The following PSMD2 variants were observed in gnomAD, a reference collection of about 807,000 sequenced individuals.
PSMD2 encodes the protein 26S proteasome non-ATPase regulatory subunit 2.
PSMD2 carries 8 observed loss-of-function variants against 101.5 expected under a neutral mutation model. That is an observed-to-expected ratio of 0.08 (90% CI 0.05 to 0.14). PSMD2 has a LOEUF of 0.14. PSMD2 is among the 10% of genes least tolerant of loss of function. PSMD2 has a pLI of 1.00. For missense variants in PSMD2, 784 were observed against 1,147.4 expected, an observed-to-expected ratio of 0.68 and a Z score of 4.58; for synonymous variants, 418 against 433.8, an observed-to-expected ratio of 0.96 and a Z score of 0.45.
chr3:184,305,959 A>T (rs374187819), intron 13 of PSMD2, 29 bp downstream of exon 13: 17 of 1,613,936 alleles, frequency 1.1e-5, no homozygotes, highest in Non-Finnish European at 1.4e-5. Flanking sequence ...TTGGGCAAAG[A>T]GCTGACAGTA....
In PSMD2 at chr3:184,304,455, G is replaced by A. The variant is rs1721761522; in HGVS notation, c.1539+64G>A. ...AGGTGCTTTGAGTCTTACTTTCTGT[G>A]ATAAATAATGAAAAAGAAGTAAGTG... On this transcript the variant is annotated intron_variant, in intron 12 of 20. Coordinates refer to ENST00000310118, the MANE Select transcript of PSMD2 (RefSeq NM_002808.5). The surrounding 1 kb of genome is among the most constrained non-coding windows in gnomAD (Gnocchi z 4.1). 2 of 1,495,374 alleles carry A rather than the reference G, an allele frequency of 1.3e-6. No homozygotes were observed. Among genetic ancestry groups the A allele is most frequent in the African/African-American group, 1.4e-5 (1 of 72,266 alleles). 92.6% of individuals were successfully genotyped at this position (1,495,374 alleles called of 1,614,324 possible).
rs1009568036 is a variant in PSMD2, at chr3:184,308,574, G to A, written c.2544+7G>A. 2 of 1,609,894 alleles carry A rather than the reference G, an allele frequency of 1.2e-6. No individual in the cohort carries two copies. The highest frequency in any genetic ancestry group is 1.7e-6 in the Non-Finnish European group (2 of 1,176,448). On this transcript the variant is annotated splice_region_variant and intron_variant, in intron 20 of 20. Coordinates refer to ENST00000310118, the MANE Select transcript of PSMD2 (RefSeq NM_002808.5). This position sits in a 1 kb window ranked among gnomAD's most constrained non-coding sequence, Gnocchi z 6.0. The stretch of plus-strand genomic sequence containing the variant: ...GTCTGTCCGTGTGGGCCAGGTGAGA[G>A]GCTGAGTAGAGGGGAGGGCTCAGGC...
intron 16 of PSMD2, 65 bp downstream of exon 16, chr3:184,306,899 A>G: frequency 7.9e-7 from 1 of 1,267,552 alleles, no homozygotes; most frequent in Non-Finnish European, 1.1e-6. Context: ...CCCAGGGAAG[A>G]TTTTTCTGAT....
At position 184,300,538 on chromosome 3, in the gene PSMD2, T is replaced by C. The variant is rs1437716544; in HGVS notation, c.357+94T>C. The C allele has an allele frequency of 3.3e-6, 5 of 1,513,758 alleles. No individual in the cohort carries two copies. In the Admixed American group the frequency reaches 6.8e-5, roughly 20 times the overall value. The allele number at this position is 1,513,758 out of a possible 1,614,324, so 93.8% of individuals were successfully genotyped here. ...TCATTGTGAGTCACAGGAAGCCTGA[T>C]AGACCTAAGCCGTGATCTATTTGAG... On this transcript the variant is annotated intron_variant, in intron 3 of 20. Coordinates refer to ENST00000310118, the MANE Select transcript of PSMD2 (RefSeq NM_002808.5).
In PSMD2 at chr3:184,303,375, T is replaced by C; in HGVS notation, c.1125T>C (p.Ser375=). The C allele has an allele frequency of 6.2e-7, 1 of 1,614,188 alleles. No homozygotes were observed. Among genetic ancestry groups the C allele is most frequent in the South Asian group, 1.1e-5 (1 of 91,088 alleles). The change falls in exon 9 of 21, where the codon TCT becomes TCC. Residue 375 remains serine, a synonymous_variant. Transcript: ENST00000310118. ...CTGCCCGCATGAACCTGGCCTCCTC[T>C]TTTGTGAATGGCTTTGTGAATGCAG... ...VDSARMNLAS[S]FVNGFVNAAF...
At position 184,306,696 on chromosome 3, in the gene PSMD2, G is replaced by T. The variant is rs771972329; in HGVS notation, c.1951-55G>T. 1.9e-6 allele frequency: 3 copies of T among 1,574,496 alleles called. No homozygotes were observed. In the African/African-American group the frequency reaches 4.1e-5, roughly 21 times the overall value. On this transcript the variant is annotated intron_variant, in intron 15 of 20. Transcript: ENST00000310118. ...TTTTCAGATGGGACTTGAGTCAAGG[G>T]TGACTGTTTTTTATTCCTTGAGCTT...
At chr3:184,302,919 A>G in intron 7 of PSMD2, 83 bp from the exon 8 acceptor site, 3 of 1,609,632 alleles carry the variant, frequency 1.9e-6, no homozygotes, top group Non-Finnish European at 2.6e-6. Context: ...CTCCTTGATT[A>G]GAATTGCCAT....
In PSMD2 at chr3:184,303,058, C is replaced by A. The variant is rs1163672991; in HGVS notation, c.1065C>A (p.Asn355Lys). ...PDDIYKTHLE[N>K]NRFGGSGSQV... ...ACATCTACAAAACCCACCTAGAGAACAACAGTGAGTAGCCCTCTCTGTGTA... is the reference window on the plus strand; with the variant it reads ...ACATCTACAAAACCCACCTAGAGAAAAACAGTGAGTAGCCCTCTCTGTGTA... Residue 355 changes from asparagine (N) to lysine (K), a missense_variant, in exon 8 of 21, where the codon AAC (asparagine) becomes AAA (lysine). Coordinates refer to ENST00000310118, the MANE Select transcript of PSMD2 (RefSeq NM_002808.5). 6.2e-7 allele frequency: 1 copy of A among 1,613,706 alleles called. No individual in the cohort carries two copies. Among genetic ancestry groups the A allele is most frequent in the South Asian group, 1.1e-5 (1 of 91,064 alleles).
chr3:184,308,418 CTT>C lies in PSMD2; in HGVS notation c.2426-30_2426-29del. The C allele has an allele frequency of 1.3e-6, 2 of 1,554,208 alleles. No homozygotes were observed. The highest frequency in any genetic ancestry group is 2.3e-5 in the South Asian group (2 of 87,638). The stretch of plus-strand genomic sequence containing the variant: ...TCTGGCCAGGCCTGTCTTTTTGTCT[CTT>C]AACTTTTTGTCCTGTCTGCTTCCCT... On this transcript the variant is annotated intron_variant, in intron 19 of 20. Coordinates refer to ENST00000310118, the MANE Select transcript of PSMD2 (RefSeq NM_002808.5). The surrounding 1 kb of genome is among the most constrained non-coding windows in gnomAD (Gnocchi z 6.0).
rs1006449808 is a variant in PSMD2, at chr3:184,302,505, C to T, written c.840C>T (p.Asp280=). The change falls in exon 6 of 21, where the codon GAC becomes GAT. Residue 280 remains aspartate (D), a synonymous_variant. Coordinates refer to ENST00000310118, the MANE Select transcript of PSMD2 (RefSeq NM_002808.5). ...LMLNDMELVE[D]IFTSCKDVVV... is the part of the protein sequence containing the mutation. Reference sequence around the variant, plus strand: ...TCAATGACATGGAGTTGGTAGAAGACATCTTCACCTCCTGCAAGGATGTGT... The same window carrying T: ...TCAATGACATGGAGTTGGTAGAAGATATCTTCACCTCCTGCAAGGATGTGT... 6.2e-7 allele frequency: 1 copy of T among 1,614,140 alleles called. No individual in the cohort carries two copies.
At chr3:184,303,093 G>A in intron 8 of PSMD2, 31 bp downstream of exon 8, 1 of 1,603,848 alleles carries the variant, frequency 6.2e-7, no homozygotes, top group Non-Finnish European at 8.5e-7. Flanking sequence ...ATGGGATTTG[G>A]GGGATTGTAG....
intron 8 of PSMD2, 78 bp downstream of exon 8, chr3:184,303,140 CATGCTTAT>C: frequency 6.5e-7 from 1 of 1,533,130 alleles, no homozygotes; most frequent in South Asian, 1.1e-5. Flanking sequence ...GCTTGGCCAA[CATGCTTAT>C]CCTATCGAGC....
rs1226019120 is a variant in PSMD2, at chr3:184,308,075, C to T, written c.2425+59C>T. ...TGCAGGGCTCTGACTCCACCCTTTC[C>T]AGGGCCACTTTGATAATTTAGGTTC... On this transcript the variant is annotated intron_variant, in intron 19 of 20. Transcript: ENST00000310118. The surrounding 1 kb of genome is among the most constrained non-coding windows in gnomAD (Gnocchi z 6.0). 2.5e-6 allele frequency: 4 copies of T among 1,596,252 alleles called. No homozygotes were observed. The highest frequency in any genetic ancestry group is 4.5e-5 in the East Asian group (2 of 44,740).
Position 184,302,095 on chromosome 3 carries a change from GTGGCAGGCA to G in PSMD2, c.704+27_704+35del. 4 of 1,607,010 alleles carry G rather than the reference GTGGCAGGCA, an allele frequency of 2.5e-6. No individual in the cohort carries two copies. In the East Asian group the frequency reaches 8.9e-5, roughly 36 times the overall value. On this transcript the variant is annotated intron_variant, in intron 5 of 20. Coordinates refer to ENST00000310118, the MANE Select transcript of PSMD2 (RefSeq NM_002808.5). Reference sequence around the variant, plus strand: ...AGGTGAGTGAACATGGTAGGGAAGGGTGGCAGGCATGCCCTCCTCAGCACCTCTCTCTCA... The same window carrying G: ...AGGTGAGTGAACATGGTAGGGAAGGGTGCCCTCCTCAGCACCTCTCTCTCA...
Position 184,299,287 on chromosome 3 carries a change from C to A in PSMD2, c.21C>A (p.Asp7Glu). 7.3e-7 allele frequency: 1 copy of A among 1,365,992 alleles called. No individual in the cohort carries two copies. Among genetic ancestry groups the A allele is most frequent in the Non-Finnish European group, 9.4e-7 (1 of 1,060,556 alleles). 84.6% of individuals were successfully genotyped at this position (1,365,992 alleles called of 1,614,324 possible). ...CGGAGATGGAGGAGGGAGGCCGGGA[C>A]AAGGCGCCGGTGCAGCCCCAGCAGT... is the stretch of plus-strand genomic sequence containing the variant. The part of the protein sequence containing the change: MEEGGR[D>E]KAPVQPQQSP... Residue 7 changes from aspartate (D) to glutamate (E), a missense_variant, in exon 1 of 21, where the codon GAC becomes GAA. By Grantham distance (45) the Asp-to-Glu change is conservative. Coordinates refer to ENST00000310118, the MANE Select transcript of PSMD2 (RefSeq NM_002808.5).
In PSMD2 at chr3:184,300,238, G is replaced by T. The variant is rs748513825; in HGVS notation, c.193-42G>T. The T allele has an allele frequency of 1.2e-5, 19 of 1,559,458 alleles. No individual in the cohort carries two copies. The East Asian group carries it at 4.0e-4, about 33-fold the overall frequency. On this transcript the variant is annotated intron_variant, in intron 2 of 20. Coordinates refer to ENST00000310118, the MANE Select transcript of PSMD2 (RefSeq NM_002808.5). ...TATCTCTGTATTATGACTTGAAGGG[G>T]TGTGACTCCTTTTTGTCTGAGCCCT...
Position 184,302,455 on chromosome 3 carries a change from G to C in PSMD2, c.790G>C (p.Glu264Gln). 6.2e-7 allele frequency: 1 copy of C among 1,614,202 alleles called. No individual in the cohort carries two copies. Among genetic ancestry groups the C allele is most frequent in the Middle Eastern group, 1.6e-4 (1 of 6,062 alleles). ...GVFRKFSRFP[E>Q]ALRLALMLND... The stretch of plus-strand genomic sequence containing the variant: ...GTTCCGAAAGTTTAGCCGCTTCCCT[G>C]AAGCTCTGAGATTGGCATTGATGCT... The change falls in exon 6 of 21, where the codon GAA (glutamate) becomes CAA (glutamine). Residue 264 changes from glutamate (E) to glutamine (Q), a missense_variant. Glu to Gln is a conservative substitution (Grantham distance 29). Coordinates refer to ENST00000310118, the MANE Select transcript of PSMD2 (RefSeq NM_002808.5).
chr3:184,299,683 C>G (rs1721578243), intron 1 of PSMD2, 168 bp from the exon 2 acceptor site: 3 of 667,336 alleles, frequency 4.5e-6, no homozygotes, highest in Non-Finnish European at 7.7e-6. Context: ...GAGCCTGATT[C>G]AGAACCCAGG....
chr3:184,302,932 A>G, intron 7 of PSMD2, 70 bp from the exon 8 acceptor site: 1 of 1,608,864 alleles, frequency 6.2e-7, no homozygotes, highest in East Asian at 2.2e-5. Context: ...ATTGCCATTC[A>G]GTGGGATAGC....
Sources: allele counts gnomAD v4.1 joint callset, GRCh38; gene constraint gnomAD v4.1.1; non-coding constraint Gnocchi (gnomAD v3.1); transcripts MANE v1.5; gene names NCBI Gene and HGNC (gene_info 2026-07-23, HGNC 2026-07-21).